Variants in DACH1 observed in about 807,000 individuals in gnomAD.
DACH1 encodes the protein dachshund homolog 1.
In DACH1, 12 loss-of-function variants were observed where a neutral mutation model predicts 54.2. The observed-to-expected ratio is 0.22, with a 90% CI of 0.14 to 0.36. The LOEUF (loss-of-function observed/expected upper bound fraction) is 0.36. Among genes scored for constraint, DACH1 ranks in the 10% least tolerant of loss-of-function variants. The pLI is 1.00. For synonymous variants in DACH1, 386 were observed against 366.2 expected (o/e 1.05, Z -0.62); for missense variants, 805 against 929.8 (o/e 0.87, Z 1.75).
chr13:71,780,922 G>A (rs1352366389), intron 1 of DACH1, among the ~76,000 whole-genome samples: 1 of 152,010 alleles, frequency 6.6e-6, no homozygotes, highest in East Asian at 1.9e-4. Context: ...CTACCTGAAC[G>A]TAGGAATTCA....
intron 3 of DACH1, among the ~76,000 whole-genome samples, chr13:71,614,802 C>A (rs984798293): frequency 6.9e-6 from 1 of 145,512 alleles, no homozygotes; most frequent in Non-Finnish European, 1.5e-5. Context: ...TGCAGTGAGC[C>A]GTGATTGCAC....
intron 1 of DACH1, among the ~76,000 whole-genome samples, chr13:71,811,179 T>C (rs1887694987): frequency 6.6e-6 from 1 of 152,108 alleles, no homozygotes; most frequent in African/African-American, 2.4e-5. Context: ...TACATCAAAA[T>C]TTAGATTATA....
At chr13:71,787,540 C>T (rs1334935950) in intron 1 of DACH1, among the ~76,000 whole-genome samples, 4 of 152,140 alleles carry the variant, frequency 2.6e-5, no homozygotes, top group Admixed American at 2.0e-4. Flanking sequence ...ACAGAATATG[C>T]GCAGCATTCT....
intron 1 of DACH1, among the ~76,000 whole-genome samples, chr13:71,828,985 G>T (rs1014792145): frequency 6.6e-6 from 1 of 151,946 alleles, no homozygotes; most frequent in East Asian, 1.9e-4. Flanking sequence ...AAGACCAGTA[G>T]TTTTCTTTTC....
At chr13:71,756,580 G>A (rs923614412) in intron 1 of DACH1, among the ~76,000 whole-genome samples, 14 of 151,782 alleles carry the variant, frequency 9.2e-5, no homozygotes, top group Non-Finnish European at 1.5e-4. Flanking sequence ...GCTATGTCCT[G>A]GACACTGTAT....
At chr13:71,631,121 C>T (rs973733134) in intron 2 of DACH1, among the ~76,000 whole-genome samples, 8 of 152,156 alleles carry the variant, frequency 5.3e-5, no homozygotes, top group Non-Finnish European at 1.2e-4. Flanking sequence ...AACCTACTTC[C>T]TCACCCAGTT....
chr13:71,456,589 T>C (rs1875582102), intron 10 of DACH1, among the ~76,000 whole-genome samples: 1 of 152,078 alleles, frequency 6.6e-6, no homozygotes, highest in African/African-American at 2.4e-5. Flanking sequence ...TATACCACTC[T>C]TTTAGGGCTA....
chr13:71,737,807 A>AT (rs1884206196), intron 1 of DACH1, among the ~76,000 whole-genome samples: 1 of 152,204 alleles, frequency 6.6e-6, no homozygotes, highest in Non-Finnish European at 1.5e-5. Flanking sequence ...AAATGAAGTT[A>AT]TAATCAACAA....
intron 1 of DACH1, among the ~76,000 whole-genome samples, chr13:71,701,006 A>G (rs1028022387): frequency 6.6e-6 from 1 of 152,152 alleles, no homozygotes; most frequent in African/African-American, 2.4e-5. Flanking sequence ...CCAGCACTTG[A>G]CTTTTTTAAA....
At chr13:71,756,617 A>G (rs1396470741) in intron 1 of DACH1, among the ~76,000 whole-genome samples, 1 of 152,138 alleles carries the variant, frequency 6.6e-6, no homozygotes, top group African/African-American at 2.4e-5. Flanking sequence ...AAAGGTCAAG[A>G]TAGATAGGGC....
At chr13:71,740,193 C>T (rs1052458643) in intron 1 of DACH1, among the ~76,000 whole-genome samples, 4 of 152,124 alleles carry the variant, frequency 2.6e-5, no homozygotes, top group African/African-American at 9.7e-5. Flanking sequence ...CTGATGAAGA[C>T]AGCTAAATCG....
At chr13:71,648,124 T>C (rs192302443) in intron 2 of DACH1, among the ~76,000 whole-genome samples, 3 of 152,330 alleles carry the variant, frequency 2.0e-5, no homozygotes, top group East Asian at 1.9e-4. Flanking sequence ...TAAGATGATA[T>C]GTCTACAGAA....
chr13:71,748,985 C>A, intron 1 of DACH1, among the ~76,000 whole-genome samples: 1 of 140,012 alleles, frequency 7.1e-6, no homozygotes, highest in South Asian at 2.3e-4. Context: ...TTTCTTCTTT[C>A]CTTTTATTTC....
chr13:71,506,753 A>C (rs1880362894), intron 6 of DACH1, among the ~76,000 whole-genome samples: 2 of 152,154 alleles, frequency 1.3e-5, no homozygotes, highest in Non-Finnish European at 2.9e-5. Flanking sequence ...ATAATGCCAC[A>C]TATCTACAAC....
intron 3 of DACH1, among the ~76,000 whole-genome samples, chr13:71,610,842 G>T (rs61957850): frequency 6.6e-6 from 1 of 152,156 alleles, no homozygotes; most frequent in African/African-American, 2.4e-5. Flanking sequence ...ATACTAAGAA[G>T]TGTCTCATGC....
intron 1 of DACH1, among the ~76,000 whole-genome samples, chr13:71,693,734 C>T (rs1353241704): frequency 6.6e-6 from 1 of 152,176 alleles, no homozygotes; most frequent in East Asian, 1.9e-4. Context: ...ACTTTTGTTA[C>T]AGTGTATGGT....
At chr13:71,775,719 A>G (rs893394525) in intron 1 of DACH1, among the ~76,000 whole-genome samples, 1 of 152,172 alleles carries the variant, frequency 6.6e-6, no homozygotes, top group African/African-American at 2.4e-5. Flanking sequence ...AAATAACACA[A>G]TGATAGGCAG....
chr13:71,822,348 G>C (rs1269581341), intron 1 of DACH1, among the ~76,000 whole-genome samples: 1 of 152,158 alleles, frequency 6.6e-6, no homozygotes, highest in Non-Finnish European at 1.5e-5. Flanking sequence ...CTTTAATATA[G>C]TAAAAGTAAA....
At chr13:71,757,004 A>C (rs1344983131) in intron 1 of DACH1, among the ~76,000 whole-genome samples, 1 of 152,110 alleles carries the variant, frequency 6.6e-6, no homozygotes, top group Non-Finnish European at 1.5e-5. Context: ...TGACTGTTTG[A>C]TTTTTGTTAA....
Sources: gnomAD v4.1 joint callset for allele counts (sites outside exome capture counted in the v4.1 genomes callset) on GRCh38, gnomAD v4.1.1 for gene constraint, MANE v1.5 for transcripts, NCBI Gene and HGNC (gene_info 2026-07-23, HGNC 2026-07-21) for gene names.